FBXO47: variants seen among roughly 807,000 people sequenced by gnomAD.
FBXO47 encodes the protein F-box protein 47, also known as F-box only protein 47.
In FBXO47, 34 loss-of-function variants were observed where a neutral mutation model predicts 53.9. That is an observed-to-expected ratio of 0.63 (90% CI 0.48 to 0.84). The LOEUF is 0.84. Among genes scored for constraint, FBXO47 ranks in the 40% least tolerant of loss-of-function variants. The pLI is 0.00. For synonymous variants in FBXO47, 165 were observed against 181.6 expected (o/e 0.91, Z 0.73); for missense variants, 485 against 541.3 (o/e 0.90, Z 1.03).
At chr17:38,953,815 A>C (rs1449799374) in intron 5 of FBXO47, among the ~76,000 whole-genome samples, 1 of 152,108 alleles carries the variant, frequency 6.6e-6, no homozygotes, top group Non-Finnish European at 1.5e-5. Context: ...ACATGTCCCA[A>C]AGAAAGAAAG....
At chr17:38,953,789 T>A (rs1905421761) in intron 5 of FBXO47, among the ~76,000 whole-genome samples, 1 of 152,120 alleles carries the variant, frequency 6.6e-6, no homozygotes, top group South Asian at 2.1e-4. Context: ...TGTACAAGAA[T>A]ACATACATAG....
intron 9 of FBXO47, among the ~76,000 whole-genome samples, chr17:38,940,502 C>G (rs1904457618): frequency 6.6e-6 from 1 of 151,800 alleles, no homozygotes; most frequent in Non-Finnish European, 1.5e-5. Flanking sequence ...CTTACCTAGC[C>G]TCTCCCTTCA....
rs372467875 is a variant in FBXO47 at position 38,941,620 on chromosome 17, T to TATATATATATATA, written c.1083+1157_1083+1158insTATATATATATAT. ...AAATGAATATTAAATAAATATAATATTATATATATATATATATATATATAT... is the reference window on the plus strand; with the variant it reads ...AAATGAATATTAAATAAATATAATATATATATATATATATATATATATATATATATATATATAT... On this transcript the variant is annotated intron_variant, in intron 9 of 10. Coordinates refer to ENST00000378079, the MANE Select transcript of FBXO47 (RefSeq NM_001008777.3). Among the ~76,000 whole-genome samples the TATATATATATATA allele has an allele frequency of 1.1e-3, 131 of 115,138 alleles. 1 individual carries two copies. Among genetic ancestry groups the TATATATATATATA allele is most frequent in the Non-Finnish European group, 1.7e-3 (95 of 55,714 alleles). 75.5% of individuals were successfully genotyped at this position (115,138 alleles called of 152,430 possible). A position where few individuals can be genotyped will look rare whatever the true frequency, so the allele number is the denominator to read the frequency against.
At chr17:38,948,737 C>T (rs1375644938) in intron 6 of FBXO47, among the ~76,000 whole-genome samples, 2 of 151,952 alleles carry the variant, frequency 1.3e-5, no homozygotes, top group South Asian at 2.1e-4. Context: ...ACAGATCATC[C>T]CATCACCTAG....
chr17:38,943,932 C>T (rs569321031), intron 7 of FBXO47, among the ~76,000 whole-genome samples, 196 bp from the exon 8 acceptor site: 104 of 152,286 alleles, frequency 6.8e-4, no homozygotes, highest in Admixed American at 2.2e-3. Flanking sequence ...TGGCTCATGC[C>T]TGTAATCCCA....
intron 6 of FBXO47, among the ~76,000 whole-genome samples, chr17:38,951,041 C>T (rs1394801312): frequency 6.6e-6 from 1 of 152,010 alleles, no homozygotes; most frequent in South Asian, 2.1e-4. Context: ...GCTGAAACTA[C>T]AGGTACATGC....
intron 6 of FBXO47, among the ~76,000 whole-genome samples, chr17:38,946,438 GA>G (rs1567716808): frequency 5.7e-5 from 2 of 34,924 alleles, no homozygotes; most frequent in Non-Finnish European, 9.2e-5. Flanking sequence ...AAATATATAT[GA>G]ATATATATAA....
At chr17:38,957,090 AAT>A in intron 4 of FBXO47, 85 bp downstream of exon 4, 1 of 832,188 alleles carries the variant, frequency 1.2e-6, no homozygotes, top group Non-Finnish European at 1.9e-6. Flanking sequence ...AAATTCTACT[AAT>A]ATAGAGTAAA....
rs375444301 is a variant in FBXO47 at position 38,939,251 on chromosome 17, C to T, written c.1084-519G>A. 2.7e-3 allele frequency among the ~76,000 whole-genome samples: 351 copies of T among 127,922 alleles called. 3 individuals are homozygous for T. Among genetic ancestry groups the T allele is most frequent in the African/African-American group, 9.9e-3 (324 of 32,782 alleles). The allele number at this position is 127,922 out of a possible 152,430, so 83.9% of individuals were successfully genotyped here. A position where few individuals can be genotyped will look rare whatever the true frequency, so the allele number is the denominator to read the frequency against. ...GAGGATGCAGTGAGCGGAGATCATA[C>T]CACTGCACTCCAGCCTGGGGGACAG... On this transcript the variant is annotated intron_variant, in intron 9 of 10. Coordinates refer to ENST00000378079, the MANE Select transcript of FBXO47 (RefSeq NM_001008777.3).
At chr17:38,957,698 CTTTTT>C (rs67243641) in intron 3 of FBXO47, among the ~76,000 whole-genome samples, 3 of 132,840 alleles carry the variant, frequency 2.3e-5, no homozygotes, top group African/African-American at 5.6e-5. Flanking sequence ...ACTGATTTTT[CTTTTT>C]TTTTTTTTTT....
intron 6 of FBXO47, among the ~76,000 whole-genome samples, chr17:38,946,553 TATATATAACTATATAAATATATATGA>T (rs1161007346): frequency 2.3e-5 from 2 of 87,806 alleles, no homozygotes; most frequent in Non-Finnish European, 3.9e-5. Context: ...TATATATGAA[TATATATAACTATATAAATATATATGA>T]ATATATAACT....
chr17:38,958,737 A>G (rs767925132), intron 3 of FBXO47, among the ~76,000 whole-genome samples: 42 of 152,144 alleles, frequency 2.8e-4, no homozygotes, highest in Non-Finnish European at 5.9e-4. Context: ...TATAATTCTG[A>G]AGAATCTACA....
chr17:38,938,732 C>G lies in FBXO47; in HGVS notation c.1084G>C (p.Val362Leu), dbSNP rs1904364302. 1 of 1,580,098 alleles carries G rather than the reference C, an allele frequency of 6.3e-7. No homozygotes were observed. Among genetic ancestry groups the G allele is most frequent in the Admixed American group, 1.7e-5 (1 of 59,220 alleles). ...LARLVVFLAL[V>L]CEKELYCMDW... is the part of the protein sequence containing the mutation. ...ATGCAGTACAGTTCTTTCTCACACA[C>G]CTGATTTAGACATATAAAGCGCTAT... The change falls in exon 10 of 11, where the codon GTG becomes CTG. Residue 362 changes from valine (V) to leucine (L), a missense_variant and splice_region_variant. Coordinates refer to ENST00000378079, the MANE Select transcript of FBXO47 (RefSeq NM_001008777.3).
At chr17:38,957,275 A>C (rs749769032) in intron 3 of FBXO47, 22 bp from the exon 4 acceptor site, 5 of 1,527,158 alleles carry the variant, frequency 3.3e-6, no homozygotes, top group Non-Finnish European at 4.5e-6. Flanking sequence ...AAGAGACATA[A>C]GAAAAAATGA....
At position 38,944,718 on chromosome 17, in the gene FBXO47, AAAATT is replaced by A. The variant is rs1024508914; in HGVS notation, c.793+237_793+241del. ...TCCGTCTCAAAAAAAAAAAAAAAAAAAAATTAGCTGGTTGTGGTTGCACGCACCTG... is the reference window on the plus strand; with the variant it reads ...TCCGTCTCAAAAAAAAAAAAAAAAAAAGCTGGTTGTGGTTGCACGCACCTG... On this transcript the variant is annotated intron_variant, in intron 7 of 10. Coordinates refer to ENST00000378079, the MANE Select transcript of FBXO47 (RefSeq NM_001008777.3). Among the ~76,000 whole-genome samples, 8 of 151,118 alleles carry A rather than the reference AAAATT, an allele frequency of 5.3e-5. No homozygotes were observed. The South Asian group carries it at 6.3e-4, about 12-fold the overall frequency.
intron 8 of FBXO47, 39 bp from the exon 9 acceptor site, chr17:38,942,959 A>G (rs1278709527): frequency 1.3e-6 from 2 of 1,535,876 alleles, no homozygotes; most frequent in Non-Finnish European, 1.8e-6. Flanking sequence ...ATGAGAAATC[A>G]CACAACAGCT....
chr17:38,957,702 T>A (rs1378345788), intron 3 of FBXO47, among the ~76,000 whole-genome samples: 3 of 150,274 alleles, frequency 2.0e-5, no homozygotes, highest in Non-Finnish European at 4.5e-5. Context: ...ATTTTTCTTT[T>A]TTTTTTTTTT....
rs374729694 is a variant in FBXO47 at position 38,939,947 on chromosome 17, G to A, written c.1084-1215C>T. On this transcript the variant is annotated intron_variant, in intron 9 of 10. Coordinates refer to ENST00000378079, the MANE Select transcript of FBXO47 (RefSeq NM_001008777.3). ...CTCCCAAAGTGCTGGGATTACAGGC[G>A]TGAGCCACCGCGCCCGGCCAAGGTT... Among the ~76,000 whole-genome samples, 401 of 152,008 alleles carry A rather than the reference G, an allele frequency of 2.6e-3. 7 individuals are homozygous for A. The highest frequency in any genetic ancestry group is 9.2e-3 in the African/African-American group (381 of 41,320).
At chr17:38,952,125 G>A (rs1905324130) in intron 5 of FBXO47, among the ~76,000 whole-genome samples, 1 of 151,976 alleles carries the variant, frequency 6.6e-6, no homozygotes, top group Non-Finnish European at 1.5e-5. Context: ...AGGAGATTGA[G>A]ACCATCCTGG....
Sources: gnomAD v4.1 joint callset for allele counts (sites outside exome capture counted in the v4.1 genomes callset) on GRCh38, gnomAD v4.1.1 for gene constraint, MANE v1.5 for transcripts, NCBI Gene and HGNC (gene_info 2026-07-23, HGNC 2026-07-21) for gene names.